Variants in DPP6 observed in about 807,000 individuals in gnomAD.
The protein encoded by DPP6 is dipeptidyl peptidase like 6.
Under a neutral mutation model 122.6 loss-of-function variants are expected in DPP6, and 69 were observed. The ratio of observed to expected loss-of-function variants is 0.56; its 90% CI spans 0.46 to 0.69. The LOEUF is 0.69. DPP6 is among the 30% of genes least tolerant of loss of function. The pLI is 0.00. For synonymous variants in DPP6, 418 were observed against 433.1 expected (o/e 0.97, Z 0.43); for missense variants, 928 against 1,116.9 (o/e 0.83, Z 2.41).
At position 154,062,016 on chromosome 7, in the gene DPP6, G is replaced by C. The variant is rs74190223; in HGVS notation, c.243+8953G>C. ...CTGGCTGTTGGTACCCCCATCGCAG[G>C]GGGGGGGAGGCACCCCCCGCGAGGC... On this transcript the variant is annotated intron_variant, in intron 1 of 25. Coordinates refer to ENST00000377770, the MANE Select transcript of DPP6 (RefSeq NM_130797.4). Among the ~76,000 whole-genome samples, 1,006 of 100,862 alleles carry C rather than the reference G, an allele frequency of 1.0e-2. 71 individuals are homozygous for C. The highest frequency in any genetic ancestry group is 0.03 in the East Asian group (97 of 3,286). The allele number at this position is 100,862 out of a possible 152,430, so 66.2% of individuals were successfully genotyped here. A position where few individuals can be genotyped will look rare whatever the true frequency, so the allele number is the denominator to read the frequency against.
At chr7:154,521,957 T>C (rs1264710560) in intron 3 of DPP6, among the ~76,000 whole-genome samples, 3 of 150,976 alleles carry the variant, frequency 2.0e-5, no homozygotes, top group Non-Finnish European at 4.4e-5. Context: ...TATTACGTGG[T>C]CTTTCTAACT....
rs117312338 is a variant in DPP6, at chr7:154,586,687, G to A, written c.627+19771G>A. On this transcript the variant is annotated intron_variant, in intron 5 of 25. Coordinates refer to ENST00000377770, the MANE Select transcript of DPP6 (RefSeq NM_130797.4). ...TGATTTGTCTAAGCGTCTGCCCATC[G>A]GGTTTTCCCTTACTTGCCACTAAAC... 5.5e-4 allele frequency among the ~76,000 whole-genome samples: 84 copies of A among 152,308 alleles called. No individual in the cohort carries two copies. In the East Asian group the frequency reaches 0.014, roughly 25 times the overall value.
intron 2 of DPP6, among the ~76,000 whole-genome samples, chr7:154,472,133 T>TATGGAATACATCAGGAA (rs1822330776): frequency 6.6e-6 from 1 of 152,200 alleles, no homozygotes; most frequent in Non-Finnish European, 1.5e-5. Flanking sequence ...TATGAGATAA[T>TATGGAATACATCAGGAA]TACTGGTAGT....
At chr7:154,802,413 G>T (rs947106283) in intron 13 of DPP6, among the ~76,000 whole-genome samples, 1 of 151,746 alleles carries the variant, frequency 6.6e-6, no homozygotes, top group Non-Finnish European at 1.5e-5. Flanking sequence ...TGGAAATGGC[G>T]TCTCTTGGAG....
At chr7:154,074,684 GAC>G (rs1254980650) in intron 1 of DPP6, among the ~76,000 whole-genome samples, 2 of 152,188 alleles carry the variant, frequency 1.3e-5, no homozygotes, top group African/African-American at 4.8e-5. Context: ...TGGCATAAGA[GAC>G]ACACCGGCTA....
At chr7:154,653,322 C>T (rs1312580734) in intron 6 of DPP6, among the ~76,000 whole-genome samples, 3 of 152,078 alleles carry the variant, frequency 2.0e-5, no homozygotes, top group Non-Finnish European at 2.9e-5. Context: ...CCAATCTACT[C>T]CAGCGACAGC....
rs116967547 is a variant in DPP6 at position 154,859,296 on chromosome 7, G to A, written c.1714+5469G>A. ...CTGTGGGGCTGAGCCAGGAAAGCGG[G>A]GCCCATGGCCTACAGCTGGGCAGGG... is the stretch of plus-strand genomic sequence containing the variant. On this transcript the variant is annotated intron_variant, in intron 17 of 25. Coordinates refer to ENST00000377770, the MANE Select transcript of DPP6 (RefSeq NM_130797.4). Among the ~76,000 whole-genome samples the A allele has an allele frequency of 1.5e-3, 233 of 152,350 alleles. 4 individuals carry two copies. The East Asian group carries it at 0.042, about 28-fold the overall frequency.
At chr7:154,532,672 C>T (rs1039734141) in intron 3 of DPP6, among the ~76,000 whole-genome samples, 5 of 152,074 alleles carry the variant, frequency 3.3e-5, no homozygotes, top group Admixed American at 2.6e-4. Context: ...CCTACTAAAG[C>T]ATAACCTGTT....
At chr7:154,404,250 A>G (rs1815883432) in intron 1 of DPP6, among the ~76,000 whole-genome samples, 1 of 152,206 alleles carries the variant, frequency 6.6e-6, no homozygotes, top group Admixed American at 6.5e-5. Context: ...CACTAAATCA[A>G]AGATCTCATA....
chr7:154,834,553 G>A (rs1800898805), intron 16 of DPP6, among the ~76,000 whole-genome samples: 1 of 152,134 alleles, frequency 6.6e-6, no homozygotes, highest in Non-Finnish European at 1.5e-5. Context: ...GCCAAGAACT[G>A]CAAAGAGCAT....
intron 10 of DPP6, among the ~76,000 whole-genome samples, chr7:154,788,301 G>A (rs960807911): frequency 3.3e-5 from 5 of 151,948 alleles, no homozygotes; most frequent in African/African-American, 4.8e-5. Flanking sequence ...AAAATAAGCC[G>A]GGCGTGGTGG....
chr7:154,682,403 C>G (rs533228678), intron 7 of DPP6, among the ~76,000 whole-genome samples: 2 of 152,198 alleles, frequency 1.3e-5, no homozygotes, highest in African/African-American at 4.8e-5. Flanking sequence ...ACTAGGACAC[C>G]GAGGTGATCG....
the DPP6 span, among the ~76,000 whole-genome samples, chr7:153,820,053 G>A: frequency 6.6e-6 from 1 of 152,006 alleles, no homozygotes; most frequent in East Asian, 1.9e-4. Flanking sequence ...AGTTCTTCAG[G>A]GAATGATATT....
intron 1 of DPP6, among the ~76,000 whole-genome samples, chr7:153,888,982 G>A (rs1217825006): frequency 2.0e-5 from 3 of 152,118 alleles, no homozygotes; most frequent in African/African-American, 7.2e-5. Flanking sequence ...TACATTAATT[G>A]AACAAATACC....
the DPP6 span, among the ~76,000 whole-genome samples, chr7:153,804,465 C>G: frequency 6.6e-6 from 1 of 152,150 alleles, no homozygotes; most frequent in Non-Finnish European, 1.5e-5. Flanking sequence ...TGGATCTTTA[C>G]AAACCCTATC....
chr7:153,910,562 C>G (rs1188296751), intron 1 of DPP6, among the ~76,000 whole-genome samples: 1 of 152,104 alleles, frequency 6.6e-6, no homozygotes, highest in Non-Finnish European at 1.5e-5. Flanking sequence ...AATCTGTGTT[C>G]TGAAGACTTC....
At chr7:154,073,329 C>T (rs552310657) in intron 1 of DPP6, among the ~76,000 whole-genome samples, 1 of 152,150 alleles carries the variant, frequency 6.6e-6, no homozygotes, top group African/African-American at 2.4e-5. Flanking sequence ...AGTGGGGGAA[C>T]TCCTGGTCCG....
At chr7:154,730,701 C>A (rs1842296572) in intron 8 of DPP6, among the ~76,000 whole-genome samples, 1 of 152,148 alleles carries the variant, frequency 6.6e-6, no homozygotes, top group Non-Finnish European at 1.5e-5. Flanking sequence ...GAGATCAGTG[C>A]AAATAATAAT....
rs1031457126 is a variant in DPP6 at position 154,043,485 on chromosome 7, C to T, written c.51+155751C>T. Among the ~76,000 whole-genome samples, 9 of 140,192 alleles carry T rather than the reference C, an allele frequency of 6.4e-5. No homozygotes were observed. The East Asian group carries it at 8.5e-4, about 13-fold the overall frequency. The allele number at this position is 140,192 out of a possible 152,430, so 92.0% of individuals were successfully genotyped here. A position where few individuals can be genotyped will look rare whatever the true frequency, so the allele number is the denominator to read the frequency against. Reference sequence around the variant, plus strand: ...TAAATGCTCAGATAAGTATACCACCCGAGGATCAGTATTATAACCAGGTAT... The same window carrying T: ...TAAATGCTCAGATAAGTATACCACCTGAGGATCAGTATTATAACCAGGTAT... On this transcript the variant is annotated intron_variant, in intron 1 of 25. Coordinates refer to the DPP6 transcript ENST00000404039.
Sources: allele counts gnomAD v4.1 joint callset (sites outside exome capture counted in the v4.1 genomes callset), GRCh38; gene constraint gnomAD v4.1.1; transcripts MANE v1.5; gene names NCBI Gene and HGNC (gene_info 2026-07-23, HGNC 2026-07-21).